SYCP2L: variants seen among roughly 807,000 people sequenced by gnomAD.
The protein encoded by SYCP2L is synaptonemal complex protein 2 like.
In SYCP2L, 98 loss-of-function variants were observed where a neutral mutation model predicts 125.8. The ratio of observed to expected loss-of-function variants is 0.78; its 90% CI spans 0.66 to 0.92. The LOEUF (loss-of-function observed/expected upper bound fraction) is 0.92, where lower values mean the gene tolerates loss of function less well. Ranked by LOEUF, SYCP2L falls within the 40% of genes least tolerant of loss-of-function variation. The pLI is 0.00. For synonymous variants in SYCP2L, 317 were observed against 325.4 expected, an observed-to-expected ratio of 0.97 and a Z score of 0.28; for missense variants, 842 against 936.4, an observed-to-expected ratio of 0.90 and a Z score of 1.32.
intron 25 of SYCP2L, among the ~76,000 whole-genome samples, chr6:10,956,821 A>G (rs188426161): frequency 6.6e-6 from 1 of 152,066 alleles, no homozygotes; most frequent in East Asian, 1.9e-4. Context: ...TTGAATACAT[A>G]ACACTTTTGT....
At chr6:10,899,317 G>A (rs1038710601) in intron 6 of SYCP2L, among the ~76,000 whole-genome samples, 6 of 152,312 alleles carry the variant, frequency 3.9e-5, no homozygotes, top group Admixed American at 2.6e-4. Context: ...GGAGGCTGAG[G>A]AGGGAGAATT....
At chr6:10,917,804 A>G (rs1780716669) in intron 14 of SYCP2L, among the ~76,000 whole-genome samples, 1 of 152,214 alleles carries the variant, frequency 6.6e-6, no homozygotes. Flanking sequence ...TTCAAGATTT[A>G]GAGCTCCTTT....
intron 9 of SYCP2L, 53 bp downstream of exon 9, chr6:10,906,107 G>T: frequency 9.6e-7 from 1 of 1,037,322 alleles, no homozygotes; most frequent in Non-Finnish European, 1.5e-6. Flanking sequence ...GGACACTGGG[G>T]GTTTTATGAG....
rs559937423 is a variant in SYCP2L, at chr6:10,888,237, C to T, written c.9+1102C>T. On this transcript the variant is annotated intron_variant, in intron 1 of 29. Coordinates refer to ENST00000283141, the MANE Select transcript of SYCP2L (RefSeq NM_001040274.3). ...TCAGCCTCCCGAGTAGCTGAGACTA[C>T]AGGCGCGCGCCACCACGCCAGGGTA... Among the ~76,000 whole-genome samples the T allele has an allele frequency of 2.0e-5, 3 of 151,880 alleles. No individual in the cohort carries two copies. The East Asian group carries it at 5.8e-4, about 30-fold the overall frequency.
rs556278849 is a variant in SYCP2L, at chr6:10,974,118, T to C, written c.*204T>C. 1 of 152,368 alleles carries C rather than the reference T, an allele frequency of 6.6e-6. No homozygotes were observed. Among genetic ancestry groups the C allele is most frequent in the South Asian group, 2.1e-4 (1 of 4,830 alleles). 9.4% of individuals were successfully genotyped at this position (152,368 alleles called of 1,614,324 possible). On this transcript the variant is annotated 3_prime_UTR_variant, in exon 30 of 30. Coordinates refer to ENST00000283141, the MANE Select transcript of SYCP2L (RefSeq NM_001040274.3). Reference sequence around the variant, plus strand: ...ATGTTGGTAGTTTGCAGTTGGGTTATTATCCATTTGTTCATAAAAATTAAC... The same window carrying C: ...ATGTTGGTAGTTTGCAGTTGGGTTACTATCCATTTGTTCATAAAAATTAAC...
intron 6 of SYCP2L, among the ~76,000 whole-genome samples, chr6:10,899,908 T>C (rs1306661298): frequency 6.6e-6 from 1 of 152,232 alleles, no homozygotes; most frequent in Non-Finnish European, 1.5e-5. Context: ...AAATGCACAG[T>C]GGTAAACTAC....
At chr6:10,952,130 G>A (rs1781422127) in intron 23 of SYCP2L, among the ~76,000 whole-genome samples, 1 of 152,154 alleles carries the variant, frequency 6.6e-6, no homozygotes, top group Admixed American at 6.5e-5. Context: ...TTTTAACTCT[G>A]TTATGAAAAT....
At chr6:10,921,766 C>T (rs34251204) in intron 14 of SYCP2L, among the ~76,000 whole-genome samples, 31,311 of 150,980 alleles carry the variant, frequency 0.21, 3,673 homozygotes, top group Middle Eastern at 0.32. Flanking sequence ...AGTGCAGTGG[C>T]GCGATCTTGG....
In SYCP2L at chr6:10,912,766, G is replaced by T. The variant is rs766688684; in HGVS notation, c.1011+1G>T. 1 of 1,612,848 alleles carries T rather than the reference G, an allele frequency of 6.2e-7. No homozygotes were observed. On this transcript the variant is annotated splice_donor_variant, in intron 13 of 29. Coordinates refer to ENST00000283141, the MANE Select transcript of SYCP2L (RefSeq NM_001040274.3). LOFTEE classifies it high-confidence loss of function. This position sits in a 1 kb window ranked among gnomAD's most constrained non-coding sequence, Gnocchi z 4.1. ...CACTTTTTATATAGACAATGCTGAG[G>T]TAATGATGTTCGATTCTTGGTTAGA...
chr6:10,950,159 T>G (rs1280499350), intron 23 of SYCP2L, among the ~76,000 whole-genome samples: 1 of 152,206 alleles, frequency 6.6e-6, no homozygotes, highest in Non-Finnish European at 1.5e-5. Context: ...ATGGGTTATT[T>G]TAAAGCTGTC....
Position 10,954,985 on chromosome 6 carries a change from C to T in SYCP2L, c.1955-131C>T. The T allele has an allele frequency of 1.5e-6, 1 of 662,040 alleles. No homozygotes were observed. Among genetic ancestry groups the T allele is most frequent in the Admixed American group, 2.4e-5 (1 of 41,116 alleles). 41.0% of individuals were successfully genotyped at this position (662,040 alleles called of 1,614,324 possible). A position where few individuals can be genotyped will look rare whatever the true frequency, so the allele number is the denominator to read the frequency against. ...ACTTGGTTTGTGCCTAGTCGATGCACCGAATGATAACTCATTAGCAACAGG... is the reference window on the plus strand; with the variant it reads ...ACTTGGTTTGTGCCTAGTCGATGCATCGAATGATAACTCATTAGCAACAGG... On this transcript the variant is annotated intron_variant, in intron 23 of 29. Coordinates refer to ENST00000283141, the MANE Select transcript of SYCP2L (RefSeq NM_001040274.3). This position sits in a 1 kb window ranked among gnomAD's most constrained non-coding sequence, Gnocchi z 4.8.
At chr6:10,933,453 T>C (rs1407219549) in intron 20 of SYCP2L, among the ~76,000 whole-genome samples, 5 of 152,226 alleles carry the variant, frequency 3.3e-5, no homozygotes, top group Non-Finnish European at 5.9e-5. Context: ...CCAGGATGGC[T>C]TGCTGAAACA....
intron 10 of SYCP2L, among the ~76,000 whole-genome samples, chr6:10,908,069 G>A (rs543464165): frequency 1.3e-5 from 2 of 151,756 alleles, no homozygotes; most frequent in Admixed American, 1.3e-4. Flanking sequence ...TTTATTTTTA[G>A]TAGAGACCAG....
At position 10,955,047 on chromosome 6, in the gene SYCP2L, G is replaced by A. The variant is rs1295135890; in HGVS notation, c.1955-69G>A. On this transcript the variant is annotated intron_variant, in intron 23 of 29. Transcript: ENST00000283141. ...TTTCAGATGGTACTCTTCACAGTAA[G>A]ACATTAACTGCCAAAAAATGAACAA... 4 of 1,086,018 alleles carry A rather than the reference G, an allele frequency of 3.7e-6. No individual in the cohort carries two copies. In the African/African-American group the frequency reaches 6.2e-5, roughly 17 times the overall value. 67.3% of individuals were successfully genotyped at this position (1,086,018 alleles called of 1,614,324 possible). A position where few individuals can be genotyped will look rare whatever the true frequency, so the allele number is the denominator to read the frequency against.
chr6:10,939,268 G>T (rs535541053), intron 21 of SYCP2L, among the ~76,000 whole-genome samples: 2 of 152,290 alleles, frequency 1.3e-5, no homozygotes, highest in African/African-American at 4.8e-5. Flanking sequence ...TATGTACATG[G>T]ATTGGAAGAA....
chr6:10,931,515 G>A, intron 20 of SYCP2L, 26 bp downstream of exon 20: 1 of 1,607,522 alleles, frequency 6.2e-7, no homozygotes, highest in Non-Finnish European at 8.5e-7. Flanking sequence ...CTGGGTTGCT[G>A]TGTGCCCTGT....
intron 23 of SYCP2L, among the ~76,000 whole-genome samples, chr6:10,950,937 G>A (rs1781399666): frequency 6.6e-6 from 1 of 152,004 alleles, no homozygotes; most frequent in African/African-American, 2.4e-5. Flanking sequence ...TGGGATTATA[G>A]GCATGAGCCA....
intron 14 of SYCP2L, among the ~76,000 whole-genome samples, chr6:10,913,360 G>A (rs549039499): frequency 6.6e-6 from 1 of 152,306 alleles, no homozygotes; most frequent in Admixed American, 6.5e-5. Flanking sequence ...TGGCTGTCAG[G>A]AAATGAAGGT....
chr6:10,906,667 G>A (rs1325698478), intron 9 of SYCP2L, among the ~76,000 whole-genome samples: 4 of 150,988 alleles, frequency 2.6e-5, no homozygotes, highest in African/African-American at 4.9e-5. Context: ...GCGCGATCTC[G>A]GCTCACTGCA....
Sources: gnomAD v4.1 joint callset for allele counts (sites outside exome capture counted in the v4.1 genomes callset) on GRCh38, gnomAD v4.1.1 for gene constraint, Gnocchi (gnomAD v3.1) non-coding constraint, MANE v1.5 for transcripts, NCBI Gene and HGNC (gene_info 2026-07-23, HGNC 2026-07-21) for gene names.